Variants in IGF2R observed in about 807,000 individuals in gnomAD.
IGF2R encodes cation-independent mannose-6-phosphate receptor.
A neutral mutation model predicts 270.6 loss-of-function variants in IGF2R; 91 were observed. The observed-to-expected ratio is 0.34, with a 90% CI of 0.28 to 0.40. The LOEUF (loss-of-function observed/expected upper bound fraction) is 0.40, where lower values mean the gene tolerates loss of function less well. Ranked by LOEUF, IGF2R falls within the 10% of genes least tolerant of loss-of-function variation. The pLI, the probability that IGF2R is intolerant of heterozygous loss-of-function variation, is 1.00. For synonymous variants in IGF2R, 1,316 were observed against 1,258.9 expected, an observed-to-expected ratio of 1.05 and a Z score of -0.96; for missense variants, 2,805 against 3,188.3, an observed-to-expected ratio of 0.88 and a Z score of 2.90.
intron 45 of IGF2R, among the ~76,000 whole-genome samples, chr6:160,101,103 AT>A (rs1779476473): frequency 6.6e-6 from 1 of 150,792 alleles, no homozygotes; most frequent in South Asian, 2.1e-4. Flanking sequence ...AAGTCAGCAG[AT>A]TTCTGACTGA....
intron 1 of IGF2R, among the ~76,000 whole-genome samples, chr6:159,981,327 G>A (rs1583240194): frequency 6.6e-6 from 1 of 152,128 alleles, no homozygotes; most frequent in African/African-American, 2.4e-5. Context: ...GAGTGCAAGT[G>A]TGTGTGTCTG....
chr6:160,024,149 T>C (rs773131463), intron 4 of IGF2R, among the ~76,000 whole-genome samples: 47 of 152,096 alleles, frequency 3.1e-4, no homozygotes, highest in Non-Finnish European at 6.5e-4. Flanking sequence ...TGGGACTGTG[T>C]TCAAGAGAGA....
At position 159,986,402 on chromosome 6, in the gene IGF2R, T is replaced by G. The variant is rs558795537; in HGVS notation, c.150-4782T>G. 3.6e-3 allele frequency among the ~76,000 whole-genome samples: 480 copies of G among 131,966 alleles called. 1 individual carries two copies. The highest frequency in any genetic ancestry group is 0.011 in the African/African-American group (398 of 35,562). The allele number at this position is 131,966 out of a possible 152,430, so 86.6% of individuals were successfully genotyped here. ...GTGCGCGACCATGCCTGGCTAATTT[T>G]TGTGTGTGTGTGTGTGTGTGTGTGT... On this transcript the variant is annotated intron_variant, in intron 1 of 47. Transcript: ENST00000356956.
chr6:160,111,242 T>TC lies in IGF2R; in HGVS notation c.*6158_*6159insC, dbSNP rs1779733054. 6.6e-6 allele frequency: 1 copy of TC among 151,930 alleles called. No homozygotes were observed. Among genetic ancestry groups the TC allele is most frequent in the Non-Finnish European group, 1.5e-5 (1 of 67,992 alleles). The allele number at this position is 151,930 out of a possible 1,614,324, so 9.4% of individuals were successfully genotyped here. A position where few individuals can be genotyped will look rare whatever the true frequency, so the allele number is the denominator to read the frequency against. On this transcript the variant is annotated 3_prime_UTR_variant, in exon 48 of 48. Coordinates refer to ENST00000356956, the MANE Select transcript of IGF2R (RefSeq NM_000876.4). The stretch of plus-strand genomic sequence containing the variant: ...TGTGGGTCCACTTACATGCGGTTTT[T>TC]TTTTTCTGTAAAAGTTACACCCGAT...
chr6:160,073,823 G>T lies in IGF2R; in HGVS notation c.5014G>T (p.Gly1672Cys). ...DLSPLIHRTGGYEAYDESEDD... is the reference protein window; with the variant it reads ...DLSPLIHRTGCYEAYDESEDD... ...GTCTCCCCTTATTCATCGCACTGGTGGTTATGAGGCTTATGATGAGAGTGA... is the reference window on the plus strand; with the variant it reads ...GTCTCCCCTTATTCATCGCACTGGTTGTTATGAGGCTTATGATGAGAGTGA... The change falls in exon 35 of 48, where the codon GGT becomes TGT. Residue 1672 changes from glycine (G) to cysteine (C), a missense_variant. Transcript: ENST00000356956. 1.2e-6 allele frequency: 2 copies of T among 1,614,104 alleles called. No individual in the cohort carries two copies. The highest frequency in any genetic ancestry group is 1.7e-6 in the Non-Finnish European group (2 of 1,179,966).
At chr6:160,061,985 C>T in intron 25 of IGF2R, 57 bp downstream of exon 25, 3 of 1,497,380 alleles carry the variant, frequency 2.0e-6, no homozygotes, top group East Asian at 4.5e-5. Flanking sequence ...TTTCCCATTT[C>T]CCTTGAACCT....
intron 4 of IGF2R, among the ~76,000 whole-genome samples, chr6:160,017,804 A>C (rs1469299806): frequency 6.6e-6 from 1 of 152,204 alleles, no homozygotes; most frequent in Non-Finnish European, 1.5e-5. Flanking sequence ...CAGACATGCA[A>C]ATGCTGAGGG....
chr6:160,070,351 T>G (rs1315083965), intron 31 of IGF2R, among the ~76,000 whole-genome samples: 1 of 151,960 alleles, frequency 6.6e-6, no homozygotes, highest in Non-Finnish European at 1.5e-5. Flanking sequence ...TTTGACTACA[T>G]GCCCTTTTGT....
intron 45 of IGF2R, among the ~76,000 whole-genome samples, chr6:160,101,272 T>C (rs1779479476): frequency 6.6e-6 from 1 of 152,230 alleles, no homozygotes; most frequent in African/African-American, 2.4e-5. Flanking sequence ...AACTGAGTGA[T>C]GATGTGTCTC....
Position 160,061,649 on chromosome 6 carries a change from G to A in IGF2R, c.3406+3G>A, listed in dbSNP as rs182616658. The A allele has an allele frequency of 1.7e-4, 277 of 1,614,146 alleles. No homozygotes were observed. In the African/African-American group the frequency reaches 3.4e-3, roughly 20 times the overall value. ...CCCTTACATTCCTGGATGCCAGGGT[G>A]AGTTCTCCTTGGTCTCTTGATTGGC... On this transcript the variant is annotated splice_donor_region_variant and intron_variant, in intron 24 of 47. Transcript: ENST00000356956.
In IGF2R at chr6:160,102,423, A is replaced by G; in HGVS notation, c.6843-96A>G. 1 of 1,360,666 alleles carries G rather than the reference A, an allele frequency of 7.3e-7. No individual in the cohort carries two copies. The highest frequency in any genetic ancestry group is 1.0e-6 in the Non-Finnish European group (1 of 974,234). The allele number at this position is 1,360,666 out of a possible 1,614,324, so 84.3% of individuals were successfully genotyped here. ...AGAATCACATGGTGTTGGGAAAGTC[A>G]GAGCTGCTCTTGCCTTGGGGACTCA... On this transcript the variant is annotated intron_variant, in intron 45 of 47. Coordinates refer to ENST00000356956, the MANE Select transcript of IGF2R (RefSeq NM_000876.4). The surrounding 1 kb of genome is among the most constrained non-coding windows in gnomAD (Gnocchi z 4.5).
chr6:159,980,628 G>A (rs1783785041), intron 1 of IGF2R, among the ~76,000 whole-genome samples: 1 of 152,166 alleles, frequency 6.6e-6, no homozygotes, highest in Admixed American at 6.5e-5. Flanking sequence ...CCACCACCTG[G>A]CGGTGGCCTC....
rs147110717 is a variant in IGF2R at position 159,991,281 on chromosome 6, G to A, written c.247G>A (p.Val83Ile). ...DIVQCGPSSAVCMHDLKTRTY... is the reference protein window; with the variant it reads ...DIVQCGPSSAICMHDLKTRTY... ...TGTCCAGTGCGGGCCATCAAGTGCT[G>A]TTTGTATGCACGACTTGAAGACACG... The change falls in exon 2 of 48, where the codon GTT (valine) becomes ATT (isoleucine). Residue 83 changes from valine to isoleucine, a missense_variant. Transcript: ENST00000356956. 312 of 1,613,832 alleles carry A rather than the reference G, an allele frequency of 1.9e-4. No individual in the cohort carries two copies. The Middle Eastern group carries it at 2.1e-3, about 11-fold the overall frequency.
chr6:160,078,055 G>T, intron 36 of IGF2R, 146 bp from the exon 37 acceptor site: 2 of 732,966 alleles, frequency 2.7e-6, no homozygotes, highest in Non-Finnish European at 2.3e-6. Flanking sequence ...AGATGGCATT[G>T]GGTCTTTCAG....
Position 160,032,591 on chromosome 6 carries a change from A to G in IGF2R, c.923A>G (p.Tyr308Cys), listed in dbSNP as rs1320254673. The change falls in exon 8 of 48, where the codon TAT (tyrosine) becomes TGT (cysteine). Residue 308 changes from tyrosine to cysteine, a missense_variant. This residue lies in a region of IGF2R where 954 missense variants were observed against 981.1 expected (regional missense o/e 0.97). Transcript: ENST00000356956. ...CTCACAGCTAAATCCAACTGCCGCT[A>G]TGAAATTGAGTGGATTACTGAGTAT... is the stretch of plus-strand genomic sequence containing the variant. Reference protein sequence around the residue: ...PKLTAKSNCRYEIEWITEYAC... With the variant: ...PKLTAKSNCRCEIEWITEYAC... The G allele has an allele frequency of 1.9e-6, 3 of 1,614,166 alleles. No individual in the cohort carries two copies. Among genetic ancestry groups the G allele is most frequent in the South Asian group, 1.1e-5 (1 of 91,078 alleles).
intron 36 of IGF2R, among the ~76,000 whole-genome samples, chr6:160,077,761 A>T (rs1308337373): frequency 1.3e-5 from 2 of 152,348 alleles, no homozygotes; most frequent in East Asian, 1.9e-4. Context: ...GAATAAATAA[A>T]GTGATTCTAC....
At position 160,060,589 on chromosome 6, in the gene IGF2R, A is replaced by T; in HGVS notation, c.3134A>T (p.Asp1045Val). 3 of 1,614,224 alleles carry T rather than the reference A, an allele frequency of 1.9e-6. No individual in the cohort carries two copies. Among genetic ancestry groups the T allele is most frequent in the Non-Finnish European group, 2.5e-6 (3 of 1,180,044 alleles). Residue 1045 changes from aspartate (D) to valine (V), a missense_variant, in exon 23 of 48, where the codon GAT becomes GTT. Around this residue, in one of 2 missense-constraint regions of IGF2R, gnomAD observed 1,851 missense variants for 2,207.2 expected, o/e 0.84. Coordinates refer to ENST00000356956, the MANE Select transcript of IGF2R (RefSeq NM_000876.4). ...AFIVRFVCNDDVYSGPLKFLH... is the reference protein window; with the variant it reads ...AFIVRFVCNDVVYSGPLKFLH... The stretch of plus-strand genomic sequence containing the variant: ...ATCGTCCGCTTTGTTTGCAATGATG[A>T]TGTTTACTCAGGGCCCCTCAAATTC...
At chr6:160,076,413 T>C (rs1192600474) in intron 36 of IGF2R, among the ~76,000 whole-genome samples, 1 of 152,182 alleles carries the variant, frequency 6.6e-6, no homozygotes, top group Non-Finnish European at 1.5e-5. Flanking sequence ...GGAATCAGAA[T>C]AGCTACAACA....
At chr6:159,990,038 C>G (rs1172331103) in intron 1 of IGF2R, among the ~76,000 whole-genome samples, 2 of 152,226 alleles carry the variant, frequency 1.3e-5, no homozygotes, top group Non-Finnish European at 2.9e-5. Context: ...CATTGCACAG[C>G]TCTGTCTTGC....
Sources: allele counts gnomAD v4.1 joint callset (sites outside exome capture counted in the v4.1 genomes callset), GRCh38; gene constraint gnomAD v4.1.1; regional missense constraint gnomAD v4.1.1; non-coding constraint Gnocchi (gnomAD v3.1); transcripts MANE v1.5; gene names NCBI Gene and HGNC (gene_info 2026-07-23, HGNC 2026-07-21).